Variants in ARIH2 observed in about 807,000 individuals in gnomAD.
ARIH2 encodes ariadne RBR E3 ubiquitin protein ligase 2.
A neutral mutation model predicts 79.8 loss-of-function variants in ARIH2; 12 were observed. That is an observed-to-expected ratio of 0.15 (90% CI 0.10 to 0.24). ARIH2 has a LOEUF of 0.24. ARIH2 is among the 10% of genes least tolerant of loss of function. The probability of loss-of-function intolerance (pLI) is 1.00; values close to 1 mark genes in which losing one functional copy is unlikely to be tolerated. For missense variants in ARIH2, 301 were observed against 618.3 expected (o/e 0.49, Z 5.44); for synonymous variants, 224 against 213.9 (o/e 1.05, Z -0.41).
intron 3 of ARIH2, among the ~76,000 whole-genome samples, chr3:48,938,965 C>T (rs1230713452): frequency 6.7e-6 from 1 of 148,746 alleles, no homozygotes; most frequent in Admixed American, 6.7e-5. Flanking sequence ...CAAAAGAAAC[C>T]CATTTATTTA....
At chr3:48,925,932 A>ATGCTCTTGATCTCCTGACCTCG (rs2085529780) in intron 2 of ARIH2, among the ~76,000 whole-genome samples, 1 of 151,952 alleles carries the variant, frequency 6.6e-6, no homozygotes, top group African/African-American at 2.4e-5. Flanking sequence ...GTTGGCCAGG[A>ATGCTCTTGATCTCCTGACCTCG]TGCTCTTGAT....
In ARIH2 at chr3:48,920,830, G is replaced by A. The variant is rs1413201608; in HGVS notation, c.-162+1832G>A. 8.9e-5 allele frequency among the ~76,000 whole-genome samples: 6 copies of A among 67,152 alleles called. 2 individuals are homozygous for A. Among genetic ancestry groups the A allele is most frequent in the Middle Eastern group, 0.012 (2 of 164 alleles). The allele number at this position is 67,152 out of a possible 152,430, so 44.1% of individuals were successfully genotyped here. On this transcript the variant is annotated intron_variant, in intron 1 of 15. Transcript: ENST00000356401. ...CAAAAAATTAGCCAGGCATGGTGGC[G>A]GGCGCCTGTAATCCAGTGAGCCGAG...
intron 9 of ARIH2, 135 bp from the exon 10 acceptor site, chr3:48,974,682 A>T: frequency 2.3e-6 from 2 of 852,632 alleles, no homozygotes; most frequent in South Asian, 2.8e-5. Context: ...GACCTGCCAC[A>T]TTTAAGTGAG....
At chr3:48,951,331 G>T (rs1426604594) in intron 3 of ARIH2, among the ~76,000 whole-genome samples, 2 of 151,922 alleles carry the variant, frequency 1.3e-5, no homozygotes, top group East Asian at 3.8e-4. Flanking sequence ...TCCCCCTGTG[G>T]AGTTTCACTC....
chr3:48,927,328 C>T, intron 2 of ARIH2, 134 bp from the exon 3 acceptor site: 2 of 507,188 alleles, frequency 3.9e-6, no homozygotes, highest in South Asian at 2.3e-5. Context: ...AGTAAGATTC[C>T]CCATGTGATA....
At position 48,986,199 on chromosome 3, in the gene ARIH2, C is replaced by T. The variant is rs1433624788; in HGVS notation, c.*2929C>T. On this transcript the variant is annotated 3_prime_UTR_variant, in exon 16 of 16. Coordinates refer to ENST00000356401, the MANE Select transcript of ARIH2 (RefSeq NM_006321.4). ...GCCAGTCTGAACTCCGCAGCTCTTC[C>T]TCTGGACCTCAGGTGTGCCAAGCCC... 2 of 152,214 alleles carry T rather than the reference C, an allele frequency of 1.3e-5. No homozygotes were observed. Among genetic ancestry groups the T allele is most frequent in the African/African-American group, 2.4e-5 (1 of 41,454 alleles). The allele number at this position is 152,214 out of a possible 1,614,324, so 9.4% of individuals were successfully genotyped here.
At chr3:48,941,525 C>T (rs1013526057) in intron 3 of ARIH2, among the ~76,000 whole-genome samples, 1 of 151,672 alleles carries the variant, frequency 6.6e-6, no homozygotes, top group Admixed American at 6.6e-5. Context: ...GGAATGAGGT[C>T]GCAGTGTTGT....
intron 1 of ARIH2, chr3:48,919,326 C>A (rs541384072): frequency 3.9e-6 from 3 of 767,650 alleles, no homozygotes; most frequent in South Asian, 7.0e-5. Flanking sequence ...GCTCACCACT[C>A]GAGTCATCTT....
rs1038903152 is a variant in ARIH2, at chr3:48,927,747, C to T, written c.189C>T (p.Cys63=). The stretch of plus-strand genomic sequence containing the variant: ...ATCCCGAGGAGTACCAGTTCACTTG[C>T]TTGACCTACAAGGAATCTGAGGGTG... ...AFDPEEYQFT[C]LTYKESEGAL... Residue 63 remains cysteine (C), a synonymous_variant, in exon 3 of 16, where the codon TGC becomes TGT. Transcript: ENST00000356401. 1.9e-6 allele frequency: 3 copies of T among 1,614,212 alleles called. No individual in the cohort carries two copies. The highest frequency in any genetic ancestry group is 2.5e-6 in the Non-Finnish European group (3 of 1,180,034).
chr3:48,933,560 T>A (rs1311801245), intron 3 of ARIH2, among the ~76,000 whole-genome samples: 9 of 150,002 alleles, frequency 6.0e-5, no homozygotes, highest in Non-Finnish European at 1.0e-4. Flanking sequence ...TTTTTTTTTT[T>A]TTTAGTTGAG....
At chr3:48,924,067 C>T (rs2085222143) in intron 2 of ARIH2, among the ~76,000 whole-genome samples, 1 of 152,150 alleles carries the variant, frequency 6.6e-6, no homozygotes, top group Non-Finnish European at 1.5e-5. Context: ...GAGTTGGAAG[C>T]TGCAGTGGGC....
At chr3:48,959,044 C>T (rs995017404) in intron 3 of ARIH2, among the ~76,000 whole-genome samples, 12 of 150,976 alleles carry the variant, frequency 7.9e-5, no homozygotes, top group Non-Finnish European at 1.2e-4. Flanking sequence ...AGGCCGAGCG[C>T]GGTGGCTCAC....
intron 4 of ARIH2, among the ~76,000 whole-genome samples, chr3:48,964,419 G>C (rs987476160): frequency 1.3e-5 from 2 of 151,674 alleles, no homozygotes; most frequent in African/African-American, 4.9e-5. Flanking sequence ...GGGTTCGAAC[G>C]ATTCTCTTGC....
Position 48,927,556 on chromosome 3 carries a change from A to G in ARIH2, c.-3A>G, listed in dbSNP as rs2085800950. ...CTGATCTGCAACTTGGCTGGATGCT[A>G]AGATGTCAGTGGACATGAATAGCCA... On this transcript the variant is annotated 5_prime_UTR_variant, in exon 3 of 16. Coordinates refer to ENST00000356401, the MANE Select transcript of ARIH2 (RefSeq NM_006321.4). The G allele has an allele frequency of 1.2e-6, 2 of 1,612,856 alleles. No homozygotes were observed. The highest frequency in any genetic ancestry group is 1.7e-6 in the Non-Finnish European group (2 of 1,179,610).
At position 48,923,243 on chromosome 3, in the gene ARIH2, CA is replaced by C. The variant is rs1295035370; in HGVS notation, c.-98+440del. On this transcript the variant is annotated intron_variant, in intron 2 of 15. Transcript: ENST00000356401. The stretch of plus-strand genomic sequence containing the variant: ...AGAAACCTTATCTCTATTAAAAATA[CA>C]AAAAAAATTAGCTGGGCATTGTGGC... 2.7e-5 allele frequency among the ~76,000 whole-genome samples: 4 copies of C among 150,308 alleles called. No individual in the cohort carries two copies. The South Asian group carries it at 8.4e-4, about 32-fold the overall frequency.
At chr3:48,940,366 T>C (rs569351120) in intron 3 of ARIH2, among the ~76,000 whole-genome samples, 5 of 151,806 alleles carry the variant, frequency 3.3e-5, no homozygotes, top group Non-Finnish European at 7.4e-5. Flanking sequence ...AAAAGATAGA[T>C]AGATAGATTA....
Position 48,962,641 on chromosome 3 carries a change from C to A in ARIH2, c.323+962C>A, listed in dbSNP as rs528434215. 6.6e-5 allele frequency among the ~76,000 whole-genome samples: 10 copies of A among 152,270 alleles called. No homozygotes were observed. The East Asian group carries it at 1.5e-3, about 24-fold the overall frequency. On this transcript the variant is annotated intron_variant, in intron 4 of 15. Transcript: ENST00000356401. ...TCCTCAGCATTATTGACATTTTAGA[C>A]TAGATAACTCTTTGTTGTGGGGGGC... is the stretch of plus-strand genomic sequence containing the variant.
chr3:48,978,978 G>T (rs1478107637), intron 11 of ARIH2, among the ~76,000 whole-genome samples: 1 of 151,680 alleles, frequency 6.6e-6, no homozygotes, highest in African/African-American at 2.4e-5. Context: ...AAAAGAAAAA[G>T]AAAAATAAGA....
intron 3 of ARIH2, among the ~76,000 whole-genome samples, chr3:48,954,367 G>T (rs913727202): frequency 6.6e-6 from 1 of 151,988 alleles, no homozygotes; most frequent in African/African-American, 2.4e-5. Flanking sequence ...AACCCGGGAG[G>T]CAGAGCTTGC....
Sources: gnomAD v4.1 joint callset for allele counts (sites outside exome capture counted in the v4.1 genomes callset) on GRCh38, gnomAD v4.1.1 for gene constraint, MANE v1.5 for transcripts, NCBI Gene and HGNC (gene_info 2026-07-23, HGNC 2026-07-21) for gene names.